The following RBFOX2 variants were observed in gnomAD, a reference collection of about 807,000 sequenced individuals.
RBFOX2 encodes the protein RNA binding protein fox-1 homolog 2.
A neutral mutation model predicts 49.1 loss-of-function variants in RBFOX2; 10 were observed. The ratio of observed to expected loss-of-function variants is 0.20; its 90% CI spans 0.13 to 0.35. The LOEUF (loss-of-function observed/expected upper bound fraction) is 0.35. Ranked by LOEUF, RBFOX2 falls within the 10% of genes least tolerant of loss-of-function variation. The pLI is 1.00. For synonymous variants in RBFOX2, 183 were observed against 187.4 expected (o/e 0.98, Z 0.19); for missense variants, 323 against 486.9 (o/e 0.66, Z 3.17).
chr22:35,928,225 CAT>C (rs2051908593), intron 1 of RBFOX2, among the ~76,000 whole-genome samples: 1 of 152,034 alleles, frequency 6.6e-6, no homozygotes, highest in Non-Finnish European at 1.5e-5. Context: ...AGGGTGTGTG[CAT>C]ATGTGTGTGT....
chr22:35,962,296 C>A (rs2056277037), upstream of RBFOX2, among the ~76,000 whole-genome samples: 1 of 152,204 alleles, frequency 6.6e-6, no homozygotes, highest in Non-Finnish European at 1.5e-5. Context: ...ACACACTAAG[C>A]CTGGAAGCAC....
chr22:35,956,524 G>A (rs1205930416), intron 1 of RBFOX2, among the ~76,000 whole-genome samples: 1 of 152,012 alleles, frequency 6.6e-6, no homozygotes, highest in Non-Finnish European at 1.5e-5. Flanking sequence ...AGCACACCCG[G>A]CTAATTTTTG....
At chr22:35,905,150 C>T (rs1479976288) in intron 1 of RBFOX2, among the ~76,000 whole-genome samples, 2 of 151,928 alleles carry the variant, frequency 1.3e-5, no homozygotes, top group African/African-American at 4.8e-5. Flanking sequence ...GGTTATCTGG[C>T]TAATTGTCCA....
At chr22:35,985,007 G>C (rs2057638286) in intron 1 of RBFOX2, among the ~76,000 whole-genome samples, 1 of 152,150 alleles carries the variant, frequency 6.6e-6, no homozygotes, top group Non-Finnish European at 1.5e-5. Flanking sequence ...TAAACAAGGA[G>C]ACAAATTTTT....
At chr22:35,840,642 G>GTGTGTC, upstream of RBFOX2, 1 of 1,049,416 alleles carries the variant, frequency 9.5e-7, no homozygotes, top group Non-Finnish European at 1.2e-6. Context: ...GTGTGTGTGT[G>GTGTGTC]TGTGTGTGTG....
At chr22:35,933,904 C>A (rs2052709932) in intron 1 of RBFOX2, among the ~76,000 whole-genome samples, 1 of 137,022 alleles carries the variant, frequency 7.3e-6, no homozygotes, top group African/African-American at 2.9e-5. Flanking sequence ...GTCGTAAGTT[C>A]TTATAATTAT....
chr22:35,903,821 C>T (rs190631129), intron 1 of RBFOX2, among the ~76,000 whole-genome samples: 1 of 152,258 alleles, frequency 6.6e-6, no homozygotes, highest in East Asian at 1.9e-4. Flanking sequence ...CTGAATATCA[C>T]ACTAGTTTCC....
chr22:35,842,945 T>A (rs776170954), upstream of RBFOX2, among the ~76,000 whole-genome samples: 3 of 152,052 alleles, frequency 2.0e-5, no homozygotes, highest in Non-Finnish European at 4.4e-5. Context: ...ACAGTGCAAA[T>A]AGGCTTAAAA....
chr22:35,934,750 T>C (rs1462660160), intron 1 of RBFOX2, among the ~76,000 whole-genome samples: 2 of 152,150 alleles, frequency 1.3e-5, no homozygotes, highest in African/African-American at 2.4e-5. Context: ...GCTCTTCTTA[T>C]ATAAAAACCC....
intron 9 of RBFOX2, among the ~76,000 whole-genome samples, chr22:35,754,338 G>A (rs866044356): frequency 9.9e-5 from 15 of 151,906 alleles, no homozygotes; most frequent in Admixed American, 3.9e-4. Flanking sequence ...TGATCTGCCC[G>A]CCTCGGCCTC....
chr22:35,944,549 G>A (rs2054060640), intron 1 of RBFOX2, among the ~76,000 whole-genome samples: 1 of 152,100 alleles, frequency 6.6e-6, no homozygotes. Flanking sequence ...CAATACTGAA[G>A]CTCCAAAGCT....
At chr22:35,746,661 C>G in intron 9 of RBFOX2, 100 bp from the exon 12 acceptor site, 1 of 554,392 alleles carries the variant, frequency 1.8e-6, no homozygotes, top group Non-Finnish European at 2.9e-6. Context: ...CATGTAGACA[C>G]AGGGACTGAC....
At chr22:35,874,676 G>C (rs551798940) in intron 1 of RBFOX2, among the ~76,000 whole-genome samples, 1 of 152,306 alleles carries the variant, frequency 6.6e-6, no homozygotes, top group East Asian at 1.9e-4. Context: ...TAAATGAACT[G>C]TGGCCTAATG....
rs372850140 is a variant in RBFOX2, at chr22:35,982,623, G to A, written c.187-43726C>T. On this transcript the variant is annotated intron_variant, in intron 1 of 13. Coordinates refer to the RBFOX2 transcript ENST00000438146. ...GTAGGAGAAAAGGAAATGGTTGGACGGTAATTTGAGGTCTGAGGGTCCAGG... is the reference window on the plus strand; with the variant it reads ...GTAGGAGAAAAGGAAATGGTTGGACAGTAATTTGAGGTCTGAGGGTCCAGG... Among the ~76,000 whole-genome samples the A allele has an allele frequency of 1.5e-4, 23 of 152,144 alleles. No individual in the cohort carries two copies. In the South Asian group the frequency reaches 3.9e-3, roughly 26 times the overall value.
chr22:35,779,586 G>T (rs547317884), intron 3 of RBFOX2, among the ~76,000 whole-genome samples: 1 of 151,984 alleles, frequency 6.6e-6, no homozygotes, highest in South Asian at 2.1e-4. Flanking sequence ...TGGTGCTTTG[G>T]AGTTTGTTTT....
At chr22:36,021,396 TAAAAATA>T (rs1002204866) in intron 1 of RBFOX2, among the ~76,000 whole-genome samples, 8 of 150,158 alleles carry the variant, frequency 5.3e-5, no homozygotes, top group Admixed American at 2.0e-4. Context: ...TGAAGTATAA[TAAAAATA>T]AAAAATAAAA....
upstream of RBFOX2, among the ~76,000 whole-genome samples, chr22:35,940,221 T>C (rs1422854374): frequency 6.6e-6 from 1 of 152,176 alleles, no homozygotes; most frequent in African/African-American, 2.4e-5. Flanking sequence ...TCTAGCACAG[T>C]ATCTAACACA....
chr22:35,838,991 T>TAG (rs1438618245), intron 1 of RBFOX2, among the ~76,000 whole-genome samples: 2 of 152,100 alleles, frequency 1.3e-5, no homozygotes, highest in African/African-American at 4.8e-5. Flanking sequence ...TCCTGATAAC[T>TAG]AGCTGGCTCT....
At chr22:35,843,347 C>A (rs543420624), upstream of RBFOX2, among the ~76,000 whole-genome samples, 19 of 152,246 alleles carry the variant, frequency 1.2e-4, no homozygotes, top group African/African-American at 4.6e-4. Flanking sequence ...AAATCCCCAG[C>A]TTTCAGGACA....
Sources: allele counts gnomAD v4.1 joint callset (sites outside exome capture counted in the v4.1 genomes callset), GRCh38; gene constraint gnomAD v4.1.1; transcripts MANE v1.5; gene names NCBI Gene and HGNC (gene_info 2026-07-23, HGNC 2026-07-21).